TMEM117: variants seen among roughly 807,000 people sequenced by gnomAD.
TMEM117 encodes the protein transmembrane protein 117.
In TMEM117, 27 loss-of-function variants were observed where a neutral mutation model predicts 52.4. The ratio of observed to expected loss-of-function variants is 0.51; its 90% CI spans 0.38 to 0.71. TMEM117 has a LOEUF of 0.71. Ranked by LOEUF, TMEM117 falls within the 30% of genes least tolerant of loss-of-function variation. The pLI is 0.00. For missense variants in TMEM117, 556 were observed against 630.5 expected, an observed-to-expected ratio of 0.88 and a Z score of 1.26; for synonymous variants, 215 against 206.3, an observed-to-expected ratio of 1.04 and a Z score of -0.36.
chr12:43,854,754 A>C (rs1943370941), intron 2 of TMEM117, among the ~76,000 whole-genome samples: 1 of 151,972 alleles, frequency 6.6e-6, no homozygotes, highest in Non-Finnish European at 1.5e-5. Context: ...CTCCTGCCTC[A>C]GCCTCCTGAG....
chr12:44,167,406 C>T (rs1463037304), intron 4 of TMEM117, among the ~76,000 whole-genome samples: 2 of 152,134 alleles, frequency 1.3e-5, no homozygotes, highest in African/African-American at 2.4e-5. Flanking sequence ...CGGTGGGTCA[C>T]GCCTGTAATC....
At position 44,046,255 on chromosome 12, in the gene TMEM117, A is replaced by G. The variant is rs189913224; in HGVS notation, c.411-97270A>G. On this transcript the variant is annotated intron_variant, in intron 3 of 7. Coordinates refer to ENST00000266534, the MANE Select transcript of TMEM117 (RefSeq NM_032256.3). Reference sequence around the variant, plus strand: ...ACTGCCACCAGGAGACACAACAACAATTCCATTAAACTGCAAGTTAAGATT... The same window carrying G: ...ACTGCCACCAGGAGACACAACAACAGTTCCATTAAACTGCAAGTTAAGATT... 2.0e-5 allele frequency among the ~76,000 whole-genome samples: 3 copies of G among 152,126 alleles called. No individual in the cohort carries two copies. In the South Asian group the frequency reaches 6.2e-4, roughly 32 times the overall value.
intron 2 of TMEM117, among the ~76,000 whole-genome samples, chr12:43,911,738 A>G (rs933368983): frequency 2.0e-5 from 3 of 147,158 alleles, no homozygotes; most frequent in African/African-American, 7.4e-5. Flanking sequence ...CAAAAAACAC[A>G]TGAAAAAATG....
intron 4 of TMEM117, among the ~76,000 whole-genome samples, chr12:44,154,502 A>G (rs2138236289): frequency 6.6e-6 from 1 of 152,238 alleles, no homozygotes; most frequent in Admixed American, 6.6e-5. Context: ...ATTTTAAAAT[A>G]CATCATAAAA....
At chr12:44,224,218 T>A (rs1949829051) in intron 5 of TMEM117, among the ~76,000 whole-genome samples, 1 of 152,136 alleles carries the variant, frequency 6.6e-6, no homozygotes, top group Non-Finnish European at 1.5e-5. Context: ...ATTGGATTGA[T>A]TATAAGCCTT....
At chr12:43,975,851 A>G (rs536608840) in intron 3 of TMEM117, among the ~76,000 whole-genome samples, 1 of 152,308 alleles carries the variant, frequency 6.6e-6, no homozygotes, top group African/African-American at 2.4e-5. Context: ...AGCAGAAAGC[A>G]TTATGGCTTT....
chr12:44,015,889 A>G (rs1946366564), intron 3 of TMEM117, among the ~76,000 whole-genome samples: 1 of 152,236 alleles, frequency 6.6e-6, no homozygotes, highest in Non-Finnish European at 1.5e-5. Context: ...TCATTTAGAT[A>G]TAATGGGATT....
intron 4 of TMEM117, among the ~76,000 whole-genome samples, chr12:44,188,008 A>T (rs1225259620): frequency 6.6e-6 from 1 of 152,160 alleles, no homozygotes; most frequent in Non-Finnish European, 1.5e-5. Flanking sequence ...TATTTGTAAG[A>T]TGTACCTAGA....
intron 5 of TMEM117, among the ~76,000 whole-genome samples, chr12:44,296,535 G>A (rs1015313807): frequency 3.3e-5 from 5 of 152,170 alleles, no homozygotes; most frequent in Admixed American, 6.5e-5. Context: ...GCATGGATAA[G>A]CATGTTTCCT....
Position 44,124,498 on chromosome 12 carries a change from C to T in TMEM117, c.411-19027C>T, listed in dbSNP as rs970267828. Among the ~76,000 whole-genome samples the T allele has an allele frequency of 4.6e-5, 7 of 152,178 alleles. No individual in the cohort carries two copies. The East Asian group carries it at 1.3e-3, about 29-fold the overall frequency. On this transcript the variant is annotated intron_variant, in intron 3 of 7. Coordinates refer to ENST00000266534, the MANE Select transcript of TMEM117 (RefSeq NM_032256.3). ...CTTGTGCCAGTTTTCAAGGGGAATG[C>T]TTCCAGTTTTTGCCCATTCAGTATG...
intron 3 of TMEM117, among the ~76,000 whole-genome samples, chr12:44,131,699 G>T (rs773951539): frequency 1.3e-5 from 2 of 151,986 alleles, no homozygotes; most frequent in Non-Finnish European, 2.9e-5. Context: ...GTTATCATTA[G>T]TAAGAATCCG....
chr12:44,240,916 G>A (rs996228533), intron 5 of TMEM117, among the ~76,000 whole-genome samples: 7 of 151,940 alleles, frequency 4.6e-5, no homozygotes, highest in Admixed American at 2.6e-4. Context: ...ATTTTGATAG[G>A]TGTTGACAAA....
intron 3 of TMEM117, among the ~76,000 whole-genome samples, chr12:44,127,308 C>G (rs148520507): frequency 0.012 from 1,856 of 152,012 alleles, 30 homozygotes; most frequent in African/African-American, 0.042. Flanking sequence ...CTGTAGTACC[C>G]AGTTGTTTAA....
chr12:43,943,685 A>G (rs1440766102), intron 2 of TMEM117, among the ~76,000 whole-genome samples: 1 of 152,190 alleles, frequency 6.6e-6, no homozygotes, highest in East Asian at 1.9e-4. Flanking sequence ...GAGTGAGGCT[A>G]AGCTGCATGT....
At chr12:44,324,162 C>T (rs1310790309) in intron 6 of TMEM117, among the ~76,000 whole-genome samples, 1 of 151,974 alleles carries the variant, frequency 6.6e-6, no homozygotes, top group East Asian at 1.9e-4. Context: ...GAGCCATTCT[C>T]ATATAATTAT....
chr12:43,854,344 T>C (rs1943362618), intron 2 of TMEM117, among the ~76,000 whole-genome samples: 10 of 151,738 alleles, frequency 6.6e-5, no homozygotes, highest in Admixed American at 5.3e-4. Context: ...TGTGAGGCGA[T>C]GTGAAACCTC....
At chr12:44,343,707 A>G (rs1376293659) in intron 6 of TMEM117, among the ~76,000 whole-genome samples, 1 of 152,142 alleles carries the variant, frequency 6.6e-6, no homozygotes, top group Non-Finnish European at 1.5e-5. Flanking sequence ...AATGATTAAG[A>G]TGGTAAATTG....
At chr12:43,843,755 A>G (rs1943153262) in intron 1 of TMEM117, among the ~76,000 whole-genome samples, 1 of 152,208 alleles carries the variant, frequency 6.6e-6, no homozygotes, top group Non-Finnish European at 1.5e-5. Context: ...CCCAATGCAA[A>G]GTTGCCCAGT....
At chr12:43,811,435 C>T in the TMEM117 span, among the ~76,000 whole-genome samples, 1 of 152,206 alleles carries the variant, frequency 6.6e-6, no homozygotes, top group African/African-American at 2.4e-5. Flanking sequence ...TCACTCTCCC[C>T]TACTGGACCT....
Sources: allele counts gnomAD v4.1 joint callset (sites outside exome capture counted in the v4.1 genomes callset), GRCh38; gene constraint gnomAD v4.1.1; transcripts MANE v1.5; gene names NCBI Gene and HGNC (gene_info 2026-07-23, HGNC 2026-07-21).